Variants in COMMD3 observed in about 807,000 individuals in gnomAD.
COMMD3 encodes the protein COMM domain containing 3.
Under a neutral mutation model 31.2 loss-of-function variants are expected in COMMD3, and 31 were observed. That is an observed-to-expected ratio of 0.99 (90% CI 0.75 to 1.34). The LOEUF is 1.34. Ranked by LOEUF, COMMD3 falls within the 40% of genes most tolerant of loss-of-function variation. The pLI, the probability that COMMD3 is intolerant of heterozygous loss-of-function variation, is 0.00. For synonymous variants in COMMD3, 108 were observed against 87.3 expected, an observed-to-expected ratio of 1.24 and a Z score of -1.32; for missense variants, 274 against 236.9, an observed-to-expected ratio of 1.16 and a Z score of -1.03.
chr10:22,320,043 A>ACT lies in COMMD3; in HGVS notation c.*45_*46insCT. On this transcript the variant is annotated 3_prime_UTR_variant, in exon 8 of 8. Coordinates refer to ENST00000376836, the MANE Select transcript of COMMD3 (RefSeq NM_012071.4). ...CGCCCGAGTGCAGAGGAAAACCAGA[A>ACT]ACGCCTTGCCTTCAGCTGAACCACC... The ACT allele has an allele frequency of 6.2e-7, 1 of 1,614,012 alleles. No individual in the cohort carries two copies. Among genetic ancestry groups the ACT allele is most frequent in the Non-Finnish European group, 8.5e-7 (1 of 1,179,936 alleles).
chr10:22,318,107 C>A lies in COMMD3; in HGVS notation c.254C>A (p.Thr85Asn), dbSNP rs1392674501. The change falls in exon 3 of 8, where the codon ACT (threonine) becomes AAT (asparagine). Residue 85 changes from threonine to asparagine, a missense_variant and splice_region_variant. Thr to Asn is a moderately conservative substitution (Grantham distance 65, BLOSUM62 0). Transcript: ENST00000376836. ...KHRADKSTLS[T>N]YLEDCKFDRE... ...GGCTTTTTTTTTCTTTCTTCTAGCA[C>A]TTATCTAGAAGACTGTAAATTTGAC... is the stretch of plus-strand genomic sequence containing the variant. The A allele has an allele frequency of 6.2e-7, 1 of 1,612,098 alleles. No individual in the cohort carries two copies. The highest frequency in any genetic ancestry group is 1.3e-5 in the African/African-American group (1 of 74,668).
chr10:22,317,359 C>G (rs1046366805), intron 1 of COMMD3: 1 of 151,436 alleles, frequency 6.6e-6, no homozygotes, highest in African/African-American at 2.5e-5. Flanking sequence ...TAACCACCAC[C>G]TGGGTTAATC....
rs1303099398 is a variant in COMMD3 at position 22,317,887 on chromosome 10, A to G, written c.143A>G (p.His48Arg). The G allele has an allele frequency of 6.2e-7, 1 of 1,613,630 alleles. No homozygotes were observed. Among genetic ancestry groups the G allele is most frequent in the African/African-American group, 1.3e-5 (1 of 74,914 alleles). ...ACTGGAAGTTAATTTATTTTAGATCATCCAGACTTGAAACATATCGACCCA... is the reference window on the plus strand; with the variant it reads ...ACTGGAAGTTAATTTATTTTAGATCGTCCAGACTTGAAACATATCGACCCA... ...DAQADEAVLD[H>R]PDLKHIDPVV... Residue 48 changes from histidine to arginine, a missense_variant, in exon 2 of 8, where the codon CAT becomes CGT. Coordinates refer to ENST00000376836, the MANE Select transcript of COMMD3 (RefSeq NM_012071.4).
intron 7 of COMMD3, 129 bp from the exon 8 acceptor site, chr10:22,319,810 A>T: frequency 8.5e-7 from 1 of 1,182,704 alleles, no homozygotes; most frequent in Non-Finnish European, 1.2e-6. Flanking sequence ...GTCAAAAGTT[A>T]AAATCTTGTT....
rs778140453 is a variant in COMMD3 at position 22,318,807 on chromosome 10, C to A, written c.413C>A (p.Thr138Asn). 3 of 1,613,796 alleles carry A rather than the reference C, an allele frequency of 1.9e-6. No individual in the cohort carries two copies. The highest frequency in any genetic ancestry group is 2.5e-6 in the Non-Finnish European group (3 of 1,179,890). ...VSWRLEYQIK[T>N]NQLHRMYRPA... ...TGCGTGTTTGTTGTGTTATTTTAGA[C>A]CAATCAACTTCATAGGATGTACAGA... Residue 138 changes from threonine to asparagine, a missense_variant and splice_region_variant, in exon 6 of 8, where the codon ACC becomes AAC. Transcript: ENST00000376836.
At chr10:22,316,699 G>C in intron 1 of COMMD3, 143 bp downstream of exon 1, 1 of 1,328,210 alleles carries the variant, frequency 7.5e-7, no homozygotes, top group Non-Finnish European at 9.7e-7. Context: ...GGAGTGTTGG[G>C]GACGTGGCTC....
At chr10:22,318,762 A>T (rs1444226404) in intron 5 of COMMD3, 44 bp from the exon 6 acceptor site, 1 of 1,613,574 alleles carries the variant, frequency 6.2e-7, no homozygotes, top group Non-Finnish European at 8.5e-7. Context: ...AACTTCTTAA[A>T]ACCTAGAGTT....
At chr10:22,319,424 A>G (rs1249973521) in intron 7 of COMMD3, 1 of 173,714 alleles carries the variant, frequency 5.8e-6, no homozygotes, top group African/African-American at 2.4e-5. Flanking sequence ...TAAAGGGGGA[A>G]GTATACATAA....
intron 4 of COMMD3, 83 bp downstream of exon 4, chr10:22,318,389 C>CGG: frequency 6.5e-7 from 1 of 1,530,826 alleles, no homozygotes. Context: ...ACAAGATCTT[C>CGG]GGGATCTTGA....
intron 5 of COMMD3, 45 bp downstream of exon 5, chr10:22,318,758 T>C (rs1564346291): frequency 5.0e-6 from 8 of 1,613,566 alleles, no homozygotes; most frequent in Non-Finnish European, 6.8e-6. Flanking sequence ...AGGGAACTTC[T>C]TAAAACCTAG....
Position 22,317,992 on chromosome 10 carries a change from T to C in COMMD3, c.248T>C (p.Leu83Pro). The C allele has an allele frequency of 6.2e-7, 1 of 1,613,876 alleles. No homozygotes were observed. The highest frequency in any genetic ancestry group is 2.2e-5 in the East Asian group (1 of 44,848). Residue 83 changes from leucine (L) to proline (P), a missense_variant, in exon 2 of 8, where the codon CTA becomes CCA. Transcript: ENST00000376836. Reference protein sequence around the residue: ...AGKHRADKSTLSTYLEDCKFD... With the variant: ...AGKHRADKSTPSTYLEDCKFD... ...AAGCACCGAGCTGACAAGTCAACTC[T>C]AAGGTACAGGATTTATTTAAATATC...
chr10:22,319,919 A>G lies in COMMD3; in HGVS notation c.529-20A>G. The G allele has an allele frequency of 6.2e-7, 1 of 1,613,760 alleles. No homozygotes were observed. Among genetic ancestry groups the G allele is most frequent in the Non-Finnish European group, 8.5e-7 (1 of 1,179,814 alleles). On this transcript the variant is annotated intron_variant, in intron 7 of 7. Coordinates refer to ENST00000376836, the MANE Select transcript of COMMD3 (RefSeq NM_012071.4). ...CCATGTTTTATCCTAAAAACGTGGT[A>G]TTGTATACACGTCTTTTAGGACTTG...
In COMMD3 at chr10:22,317,978, T is replaced by G; in HGVS notation, c.234T>G (p.Ala78=). ...TYILEAGKHR[A]DKSTLSTYLE... ...TACTAGAGGCAGGAAAGCACCGAGC[T>G]GACAAGTCAACTCTAAGGTACAGGA... The change falls in exon 2 of 8, where the codon GCT becomes GCG. Residue 78 remains alanine (A), a synonymous_variant. Transcript: ENST00000376836. 1 of 1,613,994 alleles carries G rather than the reference T, an allele frequency of 6.2e-7. No individual in the cohort carries two copies. Among genetic ancestry groups the G allele is most frequent in the Middle Eastern group, 1.7e-4 (1 of 6,060 alleles).
At chr10:22,319,072 G>C in intron 7 of COMMD3, 54 bp downstream of exon 7, 1 of 1,533,664 alleles carries the variant, frequency 6.5e-7, no homozygotes, top group Non-Finnish European at 8.8e-7. Flanking sequence ...GTTTACTTGA[G>C]AGTTATACTC....
At position 22,316,570 on chromosome 10, in the gene COMMD3, C is replaced by T. The variant is rs572037441; in HGVS notation, c.139+14C>T. 6.5e-7 allele frequency: 1 copy of T among 1,540,040 alleles called. No individual in the cohort carries two copies. The highest frequency in any genetic ancestry group is 2.5e-5 in the East Asian group (1 of 40,320). On this transcript the variant is annotated intron_variant, in intron 1 of 7. Transcript: ENST00000376836. ...AGGCCGTGTTAGGTAAGCCGCTCGG[C>T]TCGGCTCGGAGCTGGATCCGCCGGG... is the stretch of plus-strand genomic sequence containing the variant.
intron 1 of COMMD3, chr10:22,317,622 G>A (rs949466015): frequency 2.1e-5 from 6 of 281,352 alleles, no homozygotes; most frequent in Non-Finnish European, 2.7e-5. Flanking sequence ...TTCTTTGGGG[G>A]CTATAATATT....
intron 1 of COMMD3, chr10:22,317,578 TC>T (rs778777798): frequency 6.5e-5 from 13 of 200,182 alleles, no homozygotes; most frequent in Non-Finnish European, 1.2e-4. Context: ...TTGAATTTAC[TC>T]CAGTGTTAGA....
intron 7 of COMMD3, 142 bp downstream of exon 7, chr10:22,319,160 G>T: frequency 1.1e-6 from 1 of 905,192 alleles, no homozygotes; most frequent in Non-Finnish European, 1.6e-6. Flanking sequence ...AATGGGAAAG[G>T]GGCATCAAAA....
chr10:22,318,231 G>T (rs1588614387), intron 3 of COMMD3, 41 bp from the exon 4 acceptor site: 2 of 1,573,830 alleles, frequency 1.3e-6, no homozygotes, highest in Admixed American at 1.9e-5. Flanking sequence ...TTGTAAAGAT[G>T]TTTTTTTTTC....
Sources: gnomAD v4.1 joint callset for allele counts on GRCh38, gnomAD v4.1.1 for gene constraint, MANE v1.5 for transcripts, NCBI Gene and HGNC (gene_info 2026-07-23, HGNC 2026-07-21) for gene names.